HDAC5: variants seen among roughly 807,000 people sequenced by gnomAD.
The protein encoded by HDAC5 is antigen NY-CO-9.
Under a neutral mutation model 133.3 loss-of-function variants are expected in HDAC5, and 25 were observed. That is an observed-to-expected ratio of 0.19 (90% confidence interval 0.14 to 0.26). HDAC5 has a LOEUF of 0.26. Ranked by LOEUF, HDAC5 falls within the 10% of genes least tolerant of loss-of-function variation. The pLI is 1.00. For missense variants in HDAC5, 1,041 were observed against 1,460.5 expected, an observed-to-expected ratio of 0.71 and a Z score of 4.68; for synonymous variants, 589 against 610.8, an observed-to-expected ratio of 0.96 and a Z score of 0.53.
chr17:44,092,574 A>T, intron 7 of HDAC5, 47 bp from the exon 8 acceptor site: 2 of 1,585,018 alleles, frequency 1.3e-6, no homozygotes, highest in Admixed American at 1.7e-5. Context: ...AGCAGCACAC[A>T]TCTGCAGCTG....
rs569582669 is a variant in HDAC5 at position 44,111,207 on chromosome 17, G to A, written c.23-407C>T. 1.7e-4 allele frequency: 53 copies of A among 303,802 alleles called. 1 individual carries two copies. Among genetic ancestry groups the A allele is most frequent in the Middle Eastern group, 1.3e-3 (3 of 2,228 alleles). 18.8% of individuals were successfully genotyped at this position (303,802 alleles called of 1,614,324 possible). Reference sequence around the variant, plus strand: ...AACCCTGGGTGACAGCTCTGGGCCCGGCTCCCTGCTCCTCCTTCCCGAATG... The same window carrying A: ...AACCCTGGGTGACAGCTCTGGGCCCAGCTCCCTGCTCCTCCTTCCCGAATG... On this transcript the variant is annotated intron_variant, in intron 2 of 26. Coordinates refer to ENST00000682912, the MANE Select transcript of HDAC5 (RefSeq NM_005474.5).
At chr17:44,087,825 G>C (rs566371000) in intron 12 of HDAC5, 129 bp from the exon 13 acceptor site, 2 of 1,183,830 alleles carry the variant, frequency 1.7e-6, no homozygotes, top group Non-Finnish European at 2.3e-6. Context: ...TTAGAAAAAG[G>C]TGAGGTAGCT....
At chr17:44,084,412 G>A (rs566684643) in intron 16 of HDAC5, 143 bp downstream of exon 16, 37 of 957,830 alleles carry the variant, frequency 3.9e-5, no homozygotes, top group East Asian at 3.7e-4. Flanking sequence ...GGTGTGTGAC[G>A]TGATAATTGT....
intron 3 of HDAC5, among the ~76,000 whole-genome samples, chr17:44,100,021 C>T (rs2051496628): frequency 6.6e-6 from 1 of 152,112 alleles, no homozygotes. Context: ...GATGTAGGTG[C>T]TCGTGGGGCA....
chr17:44,116,362 TC>T (rs1225225285), intron 2 of HDAC5, among the ~76,000 whole-genome samples: 1 of 152,040 alleles, frequency 6.6e-6, no homozygotes, highest in African/African-American at 2.4e-5. Flanking sequence ...AGCCCACCTG[TC>T]CCAGCCCCTA....
chr17:44,084,920 G>A, intron 15 of HDAC5, 102 bp downstream of exon 15: 2 of 1,455,742 alleles, frequency 1.4e-6, no homozygotes, highest in Non-Finnish European at 1.9e-6. Context: ...GAAGTCTGGG[G>A]CTGAAGAGAG....
In HDAC5 at chr17:44,091,509, G is replaced by A; in HGVS notation, c.1165-17C>T. The A allele has an allele frequency of 6.5e-7, 1 of 1,543,410 alleles. No homozygotes were observed. Among genetic ancestry groups the A allele is most frequent in the East Asian group, 2.3e-5 (1 of 44,296 alleles). ...CGGGGAGGCCTGGGGGGTGAAGGGA[G>A]GGGCTTATACAGCCTCAGTCCTGCC... On this transcript the variant is annotated splice_polypyrimidine_tract_variant and intron_variant, in intron 10 of 26. Transcript: ENST00000682912.
At chr17:44,111,696 G>C (rs1345840246) in intron 2 of HDAC5, 1 of 515,812 alleles carries the variant, frequency 1.9e-6, no homozygotes, top group Non-Finnish European at 3.9e-6. Flanking sequence ...CCACAGAGTT[G>C]AGAGGTGCCT....
rs1223584243 is a variant in HDAC5, at chr17:44,088,523, G to A, written c.1463C>T (p.Pro488Leu). ...AGTGCGGCTCAGGGGCCGATGCCGC[G>A]GGAGCTTGCCTACCGTCCGCATGCT... ...ATSMRTVGKL[P>L]RHRPLSRTQS... is the part of the protein sequence containing the mutation. The change falls in exon 12 of 27, where the codon CCG (proline) becomes CTG (leucine). Residue 488 changes from proline to leucine, a missense_variant. Physicochemically the swap from Pro to Leu is moderately conservative, Grantham distance 98. Around this residue, in one of 9 missense-constraint regions of HDAC5, gnomAD observed 433 missense variants for 531.6 expected, o/e 0.81. Transcript: ENST00000682912. 25 of 1,613,274 alleles carry A rather than the reference G, an allele frequency of 1.5e-5. No individual in the cohort carries two copies. The highest frequency in any genetic ancestry group is 1.6e-4 in the Middle Eastern group (1 of 6,082).
Position 44,086,792 on chromosome 17 carries a change from G to A in HDAC5, c.1885-55C>T, listed in dbSNP as rs979974834. The stretch of plus-strand genomic sequence containing the variant: ...TCAGACTCAGCCAGGACAGGGGTGA[G>A]GGCAGGCCCTGTCAGGGCCTCCAGT... On this transcript the variant is annotated intron_variant, in intron 13 of 26. Coordinates refer to ENST00000682912, the MANE Select transcript of HDAC5 (RefSeq NM_005474.5). 5 of 1,246,152 alleles carry A rather than the reference G, an allele frequency of 4.0e-6. No individual in the cohort carries two copies. The Admixed American group carries it at 1.6e-4, about 40-fold the overall frequency. The allele number at this position is 1,246,152 out of a possible 1,614,324, so 77.2% of individuals were successfully genotyped here. A position where few individuals can be genotyped will look rare whatever the true frequency, so the allele number is the denominator to read the frequency against.
intron 3 of HDAC5, among the ~76,000 whole-genome samples, chr17:44,094,636 C>A (rs2051145263): frequency 6.6e-6 from 1 of 151,766 alleles, no homozygotes. Context: ...GCCTCCATCT[C>A]AAAAAAATAA....
chr17:44,116,372 T>A (rs886317778), intron 2 of HDAC5, among the ~76,000 whole-genome samples: 2 of 152,056 alleles, frequency 1.3e-5, no homozygotes, highest in African/African-American at 4.8e-5. Flanking sequence ...TCCCAGCCCC[T>A]AGGGGCTGAA....
chr17:44,091,845 A>G lies in HDAC5; in HGVS notation c.1033-14T>C. The G allele has an allele frequency of 6.5e-7, 1 of 1,539,436 alleles. No homozygotes were observed. The highest frequency in any genetic ancestry group is 8.7e-7 in the Non-Finnish European group (1 of 1,145,208). On this transcript the variant is annotated splice_polypyrimidine_tract_variant and intron_variant, in intron 9 of 26. Coordinates refer to ENST00000682912, the MANE Select transcript of HDAC5 (RefSeq NM_005474.5). Reference sequence around the variant, plus strand: ...CTGAGGGAGCATCTGGGGAGCAGTCAGAAGAGACAGGCATGAGAGTGCACA... The same window carrying G: ...CTGAGGGAGCATCTGGGGAGCAGTCGGAAGAGACAGGCATGAGAGTGCACA...
rs544430302 is a variant in HDAC5 at position 44,093,561 on chromosome 17, C to A, written c.354+14G>T. The A allele has an allele frequency of 1.4e-4, 225 of 1,598,190 alleles. No homozygotes were observed. The Middle Eastern group carries it at 1.7e-3, about 12-fold the overall frequency. ...TCGGAGGTCTGGGCGGCCCCCCGCACCCCCCTCGCTCACCTTGAGGTGCTT... is the reference window on the plus strand; with the variant it reads ...TCGGAGGTCTGGGCGGCCCCCCGCAACCCCCTCGCTCACCTTGAGGTGCTT... On this transcript the variant is annotated intron_variant, in intron 4 of 26. Coordinates refer to ENST00000682912, the MANE Select transcript of HDAC5 (RefSeq NM_005474.5).
chr17:44,089,964 G>A (rs989896560), intron 11 of HDAC5, among the ~76,000 whole-genome samples: 13 of 150,782 alleles, frequency 8.6e-5, no homozygotes, highest in Admixed American at 5.3e-4. Context: ...TGAGCATGGC[G>A]GCTCACACCT....
rs536164904 is a variant in HDAC5, at chr17:44,114,385, G to A, written c.22+3109C>T. Among the ~76,000 whole-genome samples, 3 of 152,304 alleles carry A rather than the reference G, an allele frequency of 2.0e-5. No homozygotes were observed. The East Asian group carries it at 5.8e-4, about 29-fold the overall frequency. On this transcript the variant is annotated intron_variant, in intron 2 of 26. Coordinates refer to ENST00000682912, the MANE Select transcript of HDAC5 (RefSeq NM_005474.5). ...GGAAGGCAGGACACCGAGGTTCCTG[G>A]CTCCACCCCACACCCATGCCCCAGT...
rs144120060 is a variant in HDAC5, at chr17:44,113,085, C to G, written c.23-2285G>C. On this transcript the variant is annotated intron_variant, in intron 2 of 26. Transcript: ENST00000682912. ...CAGCAACCCCTCCCAGCCCAGGACT[C>G]CTCCCACCCACGCTAGGAGTAACCA... Among the ~76,000 whole-genome samples the G allele has an allele frequency of 1.2e-3, 185 of 152,272 alleles. 2 individuals are homozygous for G. The highest frequency in any genetic ancestry group is 6.3e-4 in the Non-Finnish European group (43 of 68,012).
intron 2 of HDAC5, chr17:44,111,768 CTCA>C: frequency 4.3e-6 from 2 of 464,734 alleles, no homozygotes; most frequent in Non-Finnish European, 8.6e-6. Context: ...CTCCCTCCCG[CTCA>C]TTCTGGAGTG....
chr17:44,114,439 G>A (rs575976596), intron 2 of HDAC5, among the ~76,000 whole-genome samples: 3 of 136,630 alleles, frequency 2.2e-5, no homozygotes, highest in East Asian at 4.0e-4. Context: ...AGCAGGCGTG[G>A]GGGGGGGGGG....
Sources: allele counts gnomAD v4.1 joint callset (sites outside exome capture counted in the v4.1 genomes callset), GRCh38; gene constraint gnomAD v4.1.1; regional missense constraint gnomAD v4.1.1; transcripts MANE v1.5; gene names NCBI Gene and HGNC (gene_info 2026-07-23, HGNC 2026-07-21).